The following PRKCA variants were observed in gnomAD, a reference collection of about 807,000 sequenced individuals.
The protein encoded by PRKCA is protein kinase C alpha.
A neutral mutation model predicts 87.0 loss-of-function variants in PRKCA; 27 were observed. That is an observed-to-expected ratio of 0.31 (90% CI 0.23 to 0.43). The LOEUF (loss-of-function observed/expected upper bound fraction) is 0.43. PRKCA is among the 20% of genes least tolerant of loss of function. The probability of loss-of-function intolerance (pLI) is 1.00; values close to 1 mark genes in which losing one functional copy is unlikely to be tolerated. For missense variants in PRKCA, 518 were observed against 852.3 expected, an observed-to-expected ratio of 0.61 and a Z score of 4.88; for synonymous variants, 329 against 311.1, an observed-to-expected ratio of 1.06 and a Z score of -0.61.
At chr17:66,322,713 A>G (rs1306423106) in intron 2 of PRKCA, among the ~76,000 whole-genome samples, 1 of 150,792 alleles carries the variant, frequency 6.6e-6, no homozygotes, top group East Asian at 2.0e-4. Flanking sequence ...ACCTCAAGCA[A>G]TCCTGTCTCG....
At chr17:66,551,177 C>T (rs1164949418) in intron 3 of PRKCA, among the ~76,000 whole-genome samples, 1 of 152,172 alleles carries the variant, frequency 6.6e-6, no homozygotes, top group Non-Finnish European at 1.5e-5. Context: ...ATCCTCCCAC[C>T]TTAGCCCTGT....
At chr17:66,307,900 G>A (rs745943644) in intron 2 of PRKCA, among the ~76,000 whole-genome samples, 6 of 152,020 alleles carry the variant, frequency 3.9e-5, no homozygotes, top group Non-Finnish European at 5.9e-5. Context: ...ACAACCATTC[G>A]TTCACTCACT....
In PRKCA at chr17:66,590,107, G is replaced by A. The variant is rs12601800; in HGVS notation, c.289-51248G>A. Reference sequence around the variant, plus strand: ...CCGGTCCATGGCCTGGGGGTTGGGGGCCATACACTGGCAGCTGGGCAGGAG... The same window carrying A: ...CCGGTCCATGGCCTGGGGGTTGGGGACCATACACTGGCAGCTGGGCAGGAG... On this transcript the variant is annotated intron_variant, in intron 3 of 16. Coordinates refer to ENST00000413366, the MANE Select transcript of PRKCA (RefSeq NM_002737.3). Among the ~76,000 whole-genome samples the A allele has an allele frequency of 3.9e-5, 6 of 152,234 alleles. No individual in the cohort carries two copies. The South Asian group carries it at 6.2e-4, about 16-fold the overall frequency.
chr17:66,477,032 G>T (rs2144035933), intron 2 of PRKCA, among the ~76,000 whole-genome samples: 1 of 152,268 alleles, frequency 6.6e-6, no homozygotes, highest in Non-Finnish European at 1.5e-5. Context: ...AGGTCATGCA[G>T]CTGGAGAATA....
At chr17:66,578,086 T>G (rs1396852305) in intron 3 of PRKCA, among the ~76,000 whole-genome samples, 1 of 151,522 alleles carries the variant, frequency 6.6e-6, no homozygotes, top group Non-Finnish European at 1.5e-5. Flanking sequence ...AAATGCCAAA[T>G]TCAGAAGCTG....
chr17:66,562,585 GTTT>G (rs10523714), intron 3 of PRKCA, among the ~76,000 whole-genome samples: 1 of 149,056 alleles, frequency 6.7e-6, no homozygotes, highest in Non-Finnish European at 1.5e-5. Context: ...GCTAAGTTTT[GTTT>G]TTTTTTGTTG....
At chr17:66,389,737 T>C (rs1315215431) in intron 2 of PRKCA, among the ~76,000 whole-genome samples, 1 of 152,248 alleles carries the variant, frequency 6.6e-6, no homozygotes, top group East Asian at 1.9e-4. Flanking sequence ...TTGTGAACCA[T>C]GCTGATCAAG....
rs181974977 is a variant in PRKCA, at chr17:66,643,486, G to A, written c.401-1897G>A. On this transcript the variant is annotated intron_variant, in intron 4 of 16. Transcript: ENST00000413366. ...TATAATAAATAAGTGGTATAAATTT[G>A]TGTTTGTTAGCTGAGTTTATGCTAA... 5.9e-5 allele frequency among the ~76,000 whole-genome samples: 9 copies of A among 152,280 alleles called. No homozygotes were observed. In the East Asian group the frequency reaches 1.7e-3, roughly 29 times the overall value.
Position 66,592,727 on chromosome 17 carries a change from C to T in PRKCA, c.289-48628C>T, listed in dbSNP as rs377447287. The stretch of plus-strand genomic sequence containing the variant: ...TGTTGTGCAGATGCAAACTGTGATG[C>T]AGTTGAATTATGTGATTTGTTTTCT... On this transcript the variant is annotated intron_variant, in intron 3 of 16. Coordinates refer to ENST00000413366, the MANE Select transcript of PRKCA (RefSeq NM_002737.3). Among the ~76,000 whole-genome samples the T allele has an allele frequency of 1.6e-4, 24 of 152,200 alleles. 1 individual carries two copies. The highest frequency in any genetic ancestry group is 3.3e-4 in the Admixed American group (5 of 15,280).
chr17:66,735,200 T>C (rs1043743411), intron 9 of PRKCA, among the ~76,000 whole-genome samples: 4 of 152,190 alleles, frequency 2.6e-5, no homozygotes, highest in Admixed American at 2.0e-4. Flanking sequence ...CTAATCCTGA[T>C]AGAGAATGTT....
chr17:66,471,379 C>T (rs1444811613), intron 2 of PRKCA, among the ~76,000 whole-genome samples: 1 of 152,218 alleles, frequency 6.6e-6, no homozygotes, highest in African/African-American at 2.4e-5. Context: ...TTGTGTCTGT[C>T]TGCTAATTAG....
chr17:66,777,666 TC>T, intron 14 of PRKCA: 1 of 985,328 alleles, frequency 1.0e-6, no homozygotes, highest in Non-Finnish European at 1.2e-6. Flanking sequence ...CCCCTCTTGA[TC>T]CCACTTGAAT....
chr17:66,628,711 A>C (rs1970925885), intron 3 of PRKCA, among the ~76,000 whole-genome samples: 1 of 152,200 alleles, frequency 6.6e-6, no homozygotes, highest in African/African-American at 2.4e-5. Context: ...TGAGGTTATA[A>C]CCAAAAAGAT....
At chr17:66,670,822 A>G (rs983615620) in intron 5 of PRKCA, among the ~76,000 whole-genome samples, 6 of 152,178 alleles carry the variant, frequency 3.9e-5, no homozygotes, top group Non-Finnish European at 8.8e-5. Flanking sequence ...TGATCACACT[A>G]CTACACTCCA....
intron 8 of PRKCA, among the ~76,000 whole-genome samples, chr17:66,707,097 G>A (rs1261153876): frequency 6.6e-6 from 1 of 151,992 alleles, no homozygotes; most frequent in African/African-American, 2.4e-5. Context: ...CCCCTTTTCT[G>A]ACTCCTCTCC....
At chr17:66,777,017 A>G (rs575358168) in intron 14 of PRKCA, among the ~76,000 whole-genome samples, 1 of 152,340 alleles carries the variant, frequency 6.6e-6, no homozygotes, top group East Asian at 1.9e-4. Context: ...CTTATTGGGA[A>G]GCTGCTGCTC....
At chr17:66,764,681 A>G (rs1178958470) in intron 13 of PRKCA, among the ~76,000 whole-genome samples, 1 of 152,244 alleles carries the variant, frequency 6.6e-6, no homozygotes, top group Non-Finnish European at 1.5e-5. Flanking sequence ...TCAACCTCCC[A>G]TGTGCAGCAG....
At chr17:66,438,474 G>A (rs1005680428) in intron 2 of PRKCA, among the ~76,000 whole-genome samples, 9 of 152,224 alleles carry the variant, frequency 5.9e-5, no homozygotes, top group African/African-American at 1.9e-4. Flanking sequence ...ATAATGGAGA[G>A]CTTTAGGAAA....
chr17:66,726,393 A>C (rs1488168482), intron 8 of PRKCA, among the ~76,000 whole-genome samples: 3 of 152,228 alleles, frequency 2.0e-5, no homozygotes, highest in African/African-American at 7.2e-5. Context: ...AGGTGAACAG[A>C]ACAGCAAGAC....
Sources: allele counts gnomAD v4.1 joint callset (sites outside exome capture counted in the v4.1 genomes callset), GRCh38; gene constraint gnomAD v4.1.1; transcripts MANE v1.5; gene names NCBI Gene and HGNC (gene_info 2026-07-23, HGNC 2026-07-21).